GIT2: variants seen among roughly 807,000 people sequenced by gnomAD.
GIT2 encodes GIT ArfGAP 2.
GIT2 carries 32 observed loss-of-function variants against 100.3 expected under a neutral mutation model. The ratio of observed to expected loss-of-function variants is 0.32; its 90% CI spans 0.24 to 0.43. The LOEUF (loss-of-function observed/expected upper bound fraction) is 0.43. Ranked by LOEUF, GIT2 falls within the 20% of genes least tolerant of loss-of-function variation. The probability of loss-of-function intolerance (pLI) is 1.00; values close to 1 mark genes in which losing one functional copy is unlikely to be tolerated. For missense variants in GIT2, 737 were observed against 975.1 expected (o/e 0.76, Z 3.25); for synonymous variants, 353 against 364.1 (o/e 0.97, Z 0.35).
At chr12:109,966,880 T>C (rs1306939116) in intron 8 of GIT2, among the ~76,000 whole-genome samples, 1 of 152,204 alleles carries the variant, frequency 6.6e-6, no homozygotes, top group Non-Finnish European at 1.5e-5. Flanking sequence ...TCAGTTGAGC[T>C]AGGAATGGTT....
chr12:109,931,159 A>C lies in GIT2; in HGVS notation c.*1819T>G, dbSNP rs1408411352. On this transcript the variant is annotated 3_prime_UTR_variant, in exon 20 of 20. Transcript: ENST00000355312. ...AAGGTGTGCATCGATCAGTCCTGTG[A>C]AAATAGAAGCTTAGTTATTAGCATG... is the stretch of plus-strand genomic sequence containing the variant. 1 of 152,268 alleles carries C rather than the reference A, an allele frequency of 6.6e-6. No homozygotes were observed. 9.4% of individuals were successfully genotyped at this position (152,268 alleles called of 1,614,324 possible). A position where few individuals can be genotyped will look rare whatever the true frequency, so the allele number is the denominator to read the frequency against.
chr12:109,984,916 C>T (rs957516897), intron 4 of GIT2, among the ~76,000 whole-genome samples: 1 of 152,118 alleles, frequency 6.6e-6, no homozygotes, highest in African/African-American at 2.4e-5. Flanking sequence ...ACCCTCTCTA[C>T]CACATTATTC....
At chr12:109,984,191 C>G (rs906396318) in intron 4 of GIT2, among the ~76,000 whole-genome samples, 1 of 152,074 alleles carries the variant, frequency 6.6e-6, no homozygotes, top group Non-Finnish European at 1.5e-5. Context: ...TGGAGGATCA[C>G]TTGAGCCCAG....
At chr12:109,996,407 A>G, upstream of GIT2, 1 of 533,706 alleles carries the variant, frequency 1.9e-6, no homozygotes, top group Non-Finnish European at 3.3e-6. Flanking sequence ...GGCGAGTGTC[A>G]GGTCATGTGA....
chr12:109,938,348 T>C (rs764900858), intron 18 of GIT2, 32 bp downstream of exon 18: 4 of 1,535,748 alleles, frequency 2.6e-6, no homozygotes, highest in Non-Finnish European at 2.7e-6. Flanking sequence ...TAACTCATGC[T>C]CTCCCAAAGC....
chr12:109,983,294 T>C (rs1886685498), intron 6 of GIT2, 79 bp downstream of exon 6: 1 of 1,281,518 alleles, frequency 7.8e-7, no homozygotes, highest in South Asian at 1.3e-5. Flanking sequence ...TATCAACATA[T>C]ACAACTTAGC....
chr12:109,984,936 A>G (rs11069204), intron 4 of GIT2, among the ~76,000 whole-genome samples: 10,706 of 152,122 alleles, frequency 0.07, 623 homozygotes, highest in African/African-American at 0.15. Flanking sequence ...CTTGGCCTGT[A>G]TAATATGCTT....
intron 7 of GIT2, among the ~76,000 whole-genome samples, chr12:109,979,036 T>C (rs538616468): frequency 3.1e-4 from 47 of 151,962 alleles, no homozygotes; most frequent in South Asian, 1.5e-3. Flanking sequence ...CCTGGGCAGA[T>C]GGTGAGAGAA....
At chr12:109,989,543 A>C (rs1888010364) in intron 3 of GIT2, 147 bp downstream of exon 3, 4 of 601,850 alleles carry the variant, frequency 6.6e-6, no homozygotes, top group Non-Finnish European at 1.2e-5. Flanking sequence ...CCCATTCTGC[A>C]TTTCTAATAG....
intron 4 of GIT2, among the ~76,000 whole-genome samples, chr12:109,986,382 G>C (rs1247297361): frequency 6.6e-6 from 1 of 152,012 alleles, no homozygotes; most frequent in Non-Finnish European, 1.5e-5. Flanking sequence ...CTGTAGTCCC[G>C]GCACTTTGGG....
At chr12:109,985,349 T>C (rs1403772767) in intron 4 of GIT2, among the ~76,000 whole-genome samples, 1 of 152,032 alleles carries the variant, frequency 6.6e-6, no homozygotes, top group Non-Finnish European at 1.5e-5. Context: ...TGGAAGTAGC[T>C]AGTATATGCA....
rs761051268 is a variant in GIT2, at chr12:109,965,722, A to T, written c.765-145T>A. 2.0e-5 allele frequency: 15 copies of T among 764,174 alleles called. No homozygotes were observed. The South Asian group carries it at 2.1e-4, about 10-fold the overall frequency. The allele number at this position is 764,174 out of a possible 1,614,324, so 47.3% of individuals were successfully genotyped here. ...AAGCATTCTACAGCCCAGTAGAGTCAGTGAGGAGCTCTAAACAGAACAATC... is the reference window on the plus strand; with the variant it reads ...AAGCATTCTACAGCCCAGTAGAGTCTGTGAGGAGCTCTAAACAGAACAATC... On this transcript the variant is annotated intron_variant, in intron 8 of 19. Transcript: ENST00000355312.
intron 18 of GIT2, among the ~76,000 whole-genome samples, chr12:109,937,302 G>A (rs769838772): frequency 2.0e-5 from 3 of 152,188 alleles, no homozygotes; most frequent in Non-Finnish European, 2.9e-5. Flanking sequence ...CCAGATGCAT[G>A]TTTGTGTGGA....
At chr12:109,940,904 A>G (rs1476940149) in intron 16 of GIT2, among the ~76,000 whole-genome samples, 1 of 148,496 alleles carries the variant, frequency 6.7e-6, no homozygotes, top group African/African-American at 2.5e-5. Flanking sequence ...ACAAAACAAA[A>G]CAAAACCAAA....
At chr12:109,995,473 C>T (rs971632998) in intron 1 of GIT2, among the ~76,000 whole-genome samples, 1 of 152,170 alleles carries the variant, frequency 6.6e-6, no homozygotes, top group African/African-American at 2.4e-5. Context: ...TTCCTCACCA[C>T]TAAGCGTGAT....
chr12:109,987,393 T>A lies in GIT2; in HGVS notation c.405+1570A>T, dbSNP rs555428077. On this transcript the variant is annotated intron_variant, in intron 4 of 19. Coordinates refer to ENST00000355312, the MANE Select transcript of GIT2 (RefSeq NM_057169.5). ...AGCAAGACTCTATCTCAAAAATAAA[T>A]AAAAATAAATAAATAAATAAATAAA... 2.5e-3 allele frequency among the ~76,000 whole-genome samples: 383 copies of A among 150,628 alleles called. 1 individual carries two copies. Among genetic ancestry groups the A allele is most frequent in the Non-Finnish European group, 4.1e-3 (279 of 67,778 alleles).
intron 7 of GIT2, among the ~76,000 whole-genome samples, chr12:109,969,355 T>A (rs777319145): frequency 7.3e-5 from 11 of 151,658 alleles, no homozygotes; most frequent in Non-Finnish European, 1.5e-4. Flanking sequence ...TTAGTAGAGA[T>A]GCAGTTTCAC....
At chr12:109,953,288 C>CA (rs1878445893) in intron 12 of GIT2, 54 bp from the exon 13 acceptor site, 2 of 1,572,580 alleles carry the variant, frequency 1.3e-6, no homozygotes, top group Non-Finnish European at 1.7e-6. Context: ...GCTTTTCTTC[C>CA]AAAAAACTAC....
chr12:109,980,268 C>G (rs751801902), intron 7 of GIT2, among the ~76,000 whole-genome samples: 1 of 152,100 alleles, frequency 6.6e-6, no homozygotes, highest in Non-Finnish European at 1.5e-5. Context: ...GAGTCTCACC[C>G]CTCTTGCCCA....
Sources: gnomAD v4.1 joint callset for allele counts (sites outside exome capture counted in the v4.1 genomes callset) on GRCh38, gnomAD v4.1.1 for gene constraint, MANE v1.5 for transcripts, NCBI Gene and HGNC (gene_info 2026-07-23, HGNC 2026-07-21) for gene names.